The following GMDS variants were observed in gnomAD, a reference collection of about 807,000 sequenced individuals.
GMDS encodes the protein GDP-mannose 4,6-dehydratase.
In GMDS, 20 loss-of-function variants were observed where a neutral mutation model predicts 49.9. That is an observed-to-expected ratio of 0.40 (90% CI 0.28 to 0.58). The LOEUF (loss-of-function observed/expected upper bound fraction) is 0.58. GMDS is among the 20% of genes least tolerant of loss of function. The pLI is 0.42. For synonymous variants in GMDS, 177 were observed against 178.6 expected, an observed-to-expected ratio of 0.99 and a Z score of 0.07; for missense variants, 362 against 481.4, an observed-to-expected ratio of 0.75 and a Z score of 2.32.
rs1005755961 is a variant in GMDS at position 1,774,480 on chromosome 6, A to G, written c.772-31894T>C. Among the ~76,000 whole-genome samples the G allele has an allele frequency of 6.2e-4, 95 of 152,250 alleles. 2 individuals are homozygous for G. The highest frequency in any genetic ancestry group is 1.2e-4 in the Non-Finnish European group (8 of 68,044). Reference sequence around the variant, plus strand: ...GCTGCAGATAGTTTTCATATTTTATAAAGCAAAGCATGAGGCAATCTCTCA... The same window carrying G: ...GCTGCAGATAGTTTTCATATTTTATGAAGCAAAGCATGAGGCAATCTCTCA... On this transcript the variant is annotated intron_variant, in intron 7 of 10. Transcript: ENST00000380815.
At chr6:2,218,702 T>C (rs1780448824) in intron 1 of GMDS, among the ~76,000 whole-genome samples, 1 of 152,256 alleles carries the variant, frequency 6.6e-6, no homozygotes, top group African/African-American at 2.4e-5. Flanking sequence ...GAATCTTCTA[T>C]ATATCTTAAT....
At chr6:1,710,991 A>G (rs1484398566) in intron 9 of GMDS, among the ~76,000 whole-genome samples, 2 of 152,174 alleles carry the variant, frequency 1.3e-5, no homozygotes, top group African/African-American at 4.8e-5. Flanking sequence ...GCCAAGCAAA[A>G]ACTTGGGGCT....
intron 9 of GMDS, among the ~76,000 whole-genome samples, chr6:1,649,004 A>G (rs1306960302): frequency 6.6e-6 from 1 of 152,224 alleles, no homozygotes; most frequent in East Asian, 1.9e-4. Context: ...AGTCATTCAC[A>G]TTTACACACA....
At chr6:1,873,473 T>C (rs999451313) in intron 7 of GMDS, among the ~76,000 whole-genome samples, 10 of 152,160 alleles carry the variant, frequency 6.6e-5, no homozygotes, top group Non-Finnish European at 1.2e-4. Context: ...GATGCCTATA[T>C]TGGGGCCACT....
chr6:1,749,363 G>A (rs1157596403), intron 7 of GMDS, among the ~76,000 whole-genome samples: 4 of 152,202 alleles, frequency 2.6e-5, no homozygotes, highest in Admixed American at 6.5e-5. Context: ...TGAGGCAGGC[G>A]GATATCTTGA....
At chr6:2,235,681 G>A (rs1781324810) in intron 1 of GMDS, among the ~76,000 whole-genome samples, 2 of 151,830 alleles carry the variant, frequency 1.3e-5, no homozygotes, top group Admixed American at 1.3e-4. Context: ...GCATAGTGGT[G>A]CACATCTGTG....
chr6:1,762,384 G>A (rs1267947234), intron 7 of GMDS, among the ~76,000 whole-genome samples: 2 of 152,256 alleles, frequency 1.3e-5, no homozygotes, highest in African/African-American at 2.4e-5. Flanking sequence ...GGCTGTACCC[G>A]GGTTGTGGTC....
chr6:1,769,809 C>T (rs1165672504), intron 7 of GMDS, among the ~76,000 whole-genome samples: 1 of 152,102 alleles, frequency 6.6e-6, no homozygotes, highest in African/African-American at 2.4e-5. Flanking sequence ...TCACTGCAAC[C>T]TCCACCTCCC....
At chr6:1,637,296 C>A (rs1388468491) in intron 9 of GMDS, among the ~76,000 whole-genome samples, 1 of 152,248 alleles carries the variant, frequency 6.6e-6, no homozygotes, top group Non-Finnish European at 1.5e-5. Flanking sequence ...GCCCAGGAGC[C>A]CCGCAGCTGG....
At chr6:1,897,668 A>G (rs886839646) in intron 7 of GMDS, among the ~76,000 whole-genome samples, 1 of 152,224 alleles carries the variant, frequency 6.6e-6, no homozygotes, top group Non-Finnish European at 1.5e-5. Context: ...AGTTGGGAGC[A>G]TCTCATTTCT....
Position 1,836,351 on chromosome 6 carries a change from T to C in GMDS, c.771+93752A>G, listed in dbSNP as rs1478781938. ...CAAATGAAATGCTCACAGATCGGCA[T>C]ATGTATGTTACCACGTCACCATCAA... On this transcript the variant is annotated intron_variant, in intron 7 of 10. Coordinates refer to ENST00000380815, the MANE Select transcript of GMDS (RefSeq NM_001500.4). The surrounding 1 kb of genome is among the most constrained non-coding windows in gnomAD (Gnocchi z 4.2). Among the ~76,000 whole-genome samples, 2 of 152,224 alleles carry C rather than the reference T, an allele frequency of 1.3e-5. No individual in the cohort carries two copies. Among genetic ancestry groups the C allele is most frequent in the Non-Finnish European group, 2.9e-5 (2 of 68,038 alleles).
At chr6:1,904,738 C>T (rs1369566840) in intron 7 of GMDS, among the ~76,000 whole-genome samples, 1 of 152,186 alleles carries the variant, frequency 6.6e-6, no homozygotes, top group African/African-American at 2.4e-5. Context: ...TCACTGCAGG[C>T]TTCACTGGGC....
chr6:2,047,517 G>A (rs150714955), intron 4 of GMDS, among the ~76,000 whole-genome samples: 4 of 152,076 alleles, frequency 2.6e-5, no homozygotes, highest in Admixed American at 6.5e-5. Flanking sequence ...ACGGAGTTTC[G>A]CTCTTGTTGC....
intron 7 of GMDS, among the ~76,000 whole-genome samples, chr6:1,914,131 G>GTTTTTTTTTTTTT (rs563808537): frequency 2.6e-5 from 2 of 77,848 alleles, no homozygotes; most frequent in African/African-American, 4.6e-5. Context: ...TTTTTTGTTT[G>GTTTTTTTTTTTTT]TTTTTTTTTT....
At chr6:1,897,976 ACCC>A (rs1271731708) in intron 7 of GMDS, among the ~76,000 whole-genome samples, 10 of 110,330 alleles carry the variant, frequency 9.1e-5, no homozygotes, top group East Asian at 2.7e-4. Flanking sequence ...CTGGACACCT[ACCC>A]TGGCCTCCCT....
chr6:1,839,257 T>C (rs1423758727), intron 7 of GMDS, among the ~76,000 whole-genome samples: 7 of 152,200 alleles, frequency 4.6e-5, no homozygotes, highest in Admixed American at 4.6e-4. Context: ...CCCAGATCTA[T>C]ATGCTTGTGG....
intron 7 of GMDS, among the ~76,000 whole-genome samples, chr6:1,896,587 T>C (rs1034872704): frequency 1.3e-5 from 2 of 151,686 alleles, no homozygotes; most frequent in Non-Finnish European, 2.9e-5. Flanking sequence ...AGAGGGGGTG[T>C]CAGGTGAGGG....
intron 7 of GMDS, among the ~76,000 whole-genome samples, chr6:1,773,634 G>A (rs1423479532): frequency 1.3e-5 from 2 of 152,212 alleles, no homozygotes; most frequent in East Asian, 1.9e-4. Context: ...GAGCAGCATC[G>A]ATGGCTGTCA....
intron 1 of GMDS, among the ~76,000 whole-genome samples, chr6:2,190,330 G>A (rs1778957316): frequency 6.6e-6 from 1 of 152,078 alleles, no homozygotes. Flanking sequence ...ATAGTAAAAG[G>A]AAACCTTTTA....
Sources: allele counts gnomAD v4.1 joint callset (sites outside exome capture counted in the v4.1 genomes callset), GRCh38; gene constraint gnomAD v4.1.1; non-coding constraint Gnocchi (gnomAD v3.1); transcripts MANE v1.5; gene names NCBI Gene and HGNC (gene_info 2026-07-23, HGNC 2026-07-21).